The following KNTC1 variants were observed in gnomAD, a reference collection of about 807,000 sequenced individuals.
KNTC1 encodes kinetochore associated 1.
A neutral mutation model predicts 314.4 loss-of-function variants in KNTC1; 253 were observed. The observed-to-expected ratio is 0.80, with a 90% CI of 0.73 to 0.89. The LOEUF is 0.89. Ranked by LOEUF, KNTC1 falls within the 40% of genes least tolerant of loss-of-function variation. The pLI is 0.00. For missense variants in KNTC1, 2,475 were observed against 2,572.9 expected (o/e 0.96, Z 0.82); for synonymous variants, 901 against 901.4 (o/e 1.00, Z 0.01).
At position 122,572,920 on chromosome 12, in the gene KNTC1, T is replaced by TAACACTTTTGTTTTAGAAAGATTATCAG; in HGVS notation, c.2020-11_2036dup. The TAACACTTTTGTTTTAGAAAGATTATCAG allele has an allele frequency of 6.6e-7, 1 of 1,505,408 alleles. No homozygotes were observed. The highest frequency in any genetic ancestry group is 9.1e-7 in the Non-Finnish European group (1 of 1,104,404). The allele number at this position is 1,505,408 out of a possible 1,614,324, so 93.3% of individuals were successfully genotyped here. A position where few individuals can be genotyped will look rare whatever the true frequency, so the allele number is the denominator to read the frequency against. The stretch of plus-strand genomic sequence containing the variant: ...TTTTATTTTATATCGTTAACAACTT[T>TAACACTTTTGTTTTAGAAAGATTATCAG]AACACTTTTGTTTTAGAAAGATTAT... On this transcript the variant is annotated splice_polypyrimidine_tract_variant and intron_variant, in intron 24 of 63. Transcript: ENST00000333479.
rs1869020927 is a variant in KNTC1 at position 122,584,999 on chromosome 12, C to G, written c.3534+9C>G. The G allele has an allele frequency of 6.6e-7, 1 of 1,519,630 alleles. No individual in the cohort carries two copies. The highest frequency in any genetic ancestry group is 9.1e-7 in the Non-Finnish European group (1 of 1,099,548). 94.1% of individuals were successfully genotyped at this position (1,519,630 alleles called of 1,614,324 possible). A position where few individuals can be genotyped will look rare whatever the true frequency, so the allele number is the denominator to read the frequency against. Reference sequence around the variant, plus strand: ...GTGGAATCCTCATGAAAGTAAGTTACTTTTGAGTTTTTTCCCTTAAATCCT... The same window carrying G: ...GTGGAATCCTCATGAAAGTAAGTTAGTTTTGAGTTTTTTCCCTTAAATCCT... On this transcript the variant is annotated intron_variant, in intron 36 of 63. Coordinates refer to ENST00000333479, the MANE Select transcript of KNTC1 (RefSeq NM_014708.6).
chr12:122,547,241 G>C (rs943365851), intron 10 of KNTC1, among the ~76,000 whole-genome samples, 174 bp from the exon 11 acceptor site: 2 of 151,916 alleles, frequency 1.3e-5, no homozygotes, highest in Non-Finnish European at 2.9e-5. Flanking sequence ...TGGGCGTGGT[G>C]GTGGGCGCCT....
intron 53 of KNTC1, chr12:122,611,833 T>C (rs1873157486): frequency 6.6e-6 from 1 of 152,154 alleles, no homozygotes; most frequent in African/African-American, 2.4e-5. Context: ...TATAACACAA[T>C]GCCTGCAAAT....
At chr12:122,537,235 C>T (rs1180276947) in intron 3 of KNTC1, among the ~76,000 whole-genome samples, 3 of 152,144 alleles carry the variant, frequency 2.0e-5, no homozygotes, top group Non-Finnish European at 4.4e-5. Flanking sequence ...TCGGAATGCT[C>T]TTCATCTTAG....
rs867677251 is a variant in KNTC1, at chr12:122,551,524, G to T, written c.1196+1G>T. 7 of 1,606,938 alleles carry T rather than the reference G, an allele frequency of 4.4e-6. No individual in the cohort carries two copies. In the East Asian group the frequency reaches 1.6e-4, roughly 36 times the overall value. ...TTACGGAAGCTTTACCAGAAAACAG[G>T]TAACTTCTCATTTTTTTTTAAGCTT... On this transcript the variant is annotated splice_donor_variant, in intron 15 of 63. Coordinates refer to ENST00000333479, the MANE Select transcript of KNTC1 (RefSeq NM_014708.6). LOFTEE classifies it high-confidence loss of function.
At position 122,575,654 on chromosome 12, in the gene KNTC1, G is replaced by T; in HGVS notation, c.2486+8G>T. The stretch of plus-strand genomic sequence containing the variant: ...GGAAATGGACCATCCCAAGTAAGAT[G>T]ACTGTCTACGAAACAATGTTGTTAT... On this transcript the variant is annotated splice_region_variant and intron_variant, in intron 28 of 63. Coordinates refer to ENST00000333479, the MANE Select transcript of KNTC1 (RefSeq NM_014708.6). 1.3e-6 allele frequency: 2 copies of T among 1,563,472 alleles called. No homozygotes were observed. Among genetic ancestry groups the T allele is most frequent in the South Asian group, 1.2e-5 (1 of 86,374 alleles).
intron 2 of KNTC1, among the ~76,000 whole-genome samples, chr12:122,533,742 G>GGACTGAGCTTCCTCAACCACT (rs1961569802): frequency 3.9e-5 from 6 of 152,068 alleles, no homozygotes; most frequent in African/African-American, 1.2e-4. Context: ...GAATGTTGGG[G>GGACTGAGCTTCCTCAACCACT]AATTTTCAAG....
In KNTC1 at chr12:122,549,884, A is replaced by G. The variant is rs1454735419; in HGVS notation, c.1086+20A>G. ...AGCACAGTAAGTTTATTTGCATTTT[A>G]AAGTATTCTTTTAACTACTTTTTTC... On this transcript the variant is annotated intron_variant, in intron 13 of 63. Coordinates refer to ENST00000333479, the MANE Select transcript of KNTC1 (RefSeq NM_014708.6). The G allele has an allele frequency of 1.1e-5, 15 of 1,344,904 alleles. No individual in the cohort carries two copies. Among genetic ancestry groups the G allele is most frequent in the Non-Finnish European group, 1.6e-5 (15 of 957,526 alleles). 83.3% of individuals were successfully genotyped at this position (1,344,904 alleles called of 1,614,324 possible).
At chr12:122,565,209 T>C (rs1400732816) in intron 20 of KNTC1, among the ~76,000 whole-genome samples, 1 of 151,454 alleles carries the variant, frequency 6.6e-6, no homozygotes, top group Non-Finnish European at 1.5e-5. Flanking sequence ...GTTTTTCTCC[T>C]TACATCCTTG....
intron 38 of KNTC1, among the ~76,000 whole-genome samples, chr12:122,587,276 T>TA (rs1031306071): frequency 2.0e-5 from 3 of 151,946 alleles, no homozygotes; most frequent in East Asian, 1.9e-4. Flanking sequence ...ACCCTATCTC[T>TA]AAAAAAACAA....
At chr12:122,531,089 G>C (rs1961277456) in intron 2 of KNTC1, among the ~76,000 whole-genome samples, 1 of 151,210 alleles carries the variant, frequency 6.6e-6, no homozygotes, top group South Asian at 2.1e-4. Context: ...TCACTCAAAT[G>C]GAATCTGACA....
chr12:122,618,443 T>C (rs747974655), intron 58 of KNTC1, 39 bp from the exon 59 acceptor site: 1 of 1,610,798 alleles, frequency 6.2e-7, no homozygotes, highest in Non-Finnish European at 8.5e-7. Flanking sequence ...TATAGTTGAG[T>C]GTGTGTATAT....
At chr12:122,530,404 T>G (rs943827149) in intron 2 of KNTC1, among the ~76,000 whole-genome samples, 1 of 152,180 alleles carries the variant, frequency 6.6e-6, no homozygotes, top group Non-Finnish European at 1.5e-5. Flanking sequence ...TAGTTCCTCT[T>G]GATATTTCAT....
At chr12:122,532,462 C>T (rs923342799) in intron 2 of KNTC1, among the ~76,000 whole-genome samples, 1 of 152,076 alleles carries the variant, frequency 6.6e-6, no homozygotes, top group Non-Finnish European at 1.5e-5. Context: ...CCACCTCGGC[C>T]TCCCAAAGTT....
At chr12:122,562,066 C>G (rs1483806230) in intron 19 of KNTC1, 92 bp downstream of exon 19, 12 of 1,221,748 alleles carry the variant, frequency 9.8e-6, no homozygotes, top group Non-Finnish European at 1.4e-5. Flanking sequence ...TTATCAAGAG[C>G]AAGTTATTTC....
At chr12:122,614,965 T>G in intron 55 of KNTC1, 26 bp from the exon 56 acceptor site, 3 of 1,562,842 alleles carry the variant, frequency 1.9e-6, no homozygotes, top group Non-Finnish European at 2.6e-6. Context: ...TGGAATAGCA[T>G]GATTTTTTTC....
intron 53 of KNTC1, 51 bp from the exon 54 acceptor site, chr12:122,613,061 C>A: frequency 1.1e-6 from 1 of 922,666 alleles, no homozygotes; most frequent in Non-Finnish European, 1.8e-6. Flanking sequence ...CTCATTTACC[C>A]AACTACAATG....
At chr12:122,609,363 T>C (rs1333313878) in intron 51 of KNTC1, 21 bp from the exon 52 acceptor site, 1 of 1,536,068 alleles carries the variant, frequency 6.5e-7, no homozygotes, top group Admixed American at 2.0e-5. Context: ...TTTTTGACCT[T>C]TTTTTCCTAC....
At chr12:122,596,579 G>T (rs530609365) in intron 43 of KNTC1, among the ~76,000 whole-genome samples, 1 of 151,504 alleles carries the variant, frequency 6.6e-6, no homozygotes, top group African/African-American at 2.4e-5. Flanking sequence ...GGTGGCTAAC[G>T]CCTATAATCC....
Sources: allele counts gnomAD v4.1 joint callset (sites outside exome capture counted in the v4.1 genomes callset), GRCh38; gene constraint gnomAD v4.1.1; transcripts MANE v1.5; gene names NCBI Gene and HGNC (gene_info 2026-07-23, HGNC 2026-07-21).